Variants in NBEA observed in about 807,000 individuals in gnomAD.
NBEA encodes the protein neurobeachin.
NBEA carries 44 observed loss-of-function variants against 343.4 expected under a neutral mutation model. The observed-to-expected ratio is 0.13, with a 90% CI of 0.10 to 0.16. NBEA has a LOEUF of 0.16. Ranked by LOEUF, NBEA falls within the 10% of genes least tolerant of loss-of-function variation. The probability of loss-of-function intolerance (pLI) is 1.00; values close to 1 mark genes in which losing one functional copy is unlikely to be tolerated. For synonymous variants in NBEA, 1,175 were observed against 1,238.7 expected (o/e 0.95, Z 1.08); for missense variants, 2,555 against 3,631.3 (o/e 0.70, Z 7.62).
chr13:35,085,816 T>C (rs1406223049), intron 10 of NBEA, among the ~76,000 whole-genome samples: 5 of 152,238 alleles, frequency 3.3e-5, no homozygotes, highest in East Asian at 1.9e-4. Flanking sequence ...GATGACATGA[T>C]TGTATATCTA....
chr13:35,615,400 G>A (rs1349304192), intron 48 of NBEA, among the ~76,000 whole-genome samples: 1 of 152,006 alleles, frequency 6.6e-6, no homozygotes, highest in Non-Finnish European at 1.5e-5. Flanking sequence ...CTGGAGTGCA[G>A]TGGCACGATC....
intron 1 of NBEA, among the ~76,000 whole-genome samples, chr13:34,957,024 CACACACACACACATATATAT>C (rs2059517005): frequency 7.4e-6 from 1 of 134,858 alleles, no homozygotes; most frequent in Non-Finnish European, 1.6e-5. Context: ...TATATATATA[CACACACACACACATATATAT>C]ACACACACAC....
chr13:35,085,283 AAG>A, intron 10 of NBEA, among the ~76,000 whole-genome samples: 1 of 152,104 alleles, frequency 6.6e-6, no homozygotes, highest in Non-Finnish European at 1.5e-5. Flanking sequence ...ACAACCAAAA[AAG>A]AGAATTTTAG....
chr13:35,454,787 G>A (rs537540419), intron 40 of NBEA, among the ~76,000 whole-genome samples: 1 of 152,084 alleles, frequency 6.6e-6, no homozygotes, highest in Middle Eastern at 3.2e-3. Context: ...ATGAACCCGG[G>A]AGGCAGAGCT....
At chr13:35,534,875 C>T (rs967540529) in intron 41 of NBEA, among the ~76,000 whole-genome samples, 25 of 152,084 alleles carry the variant, frequency 1.6e-4, no homozygotes, top group African/African-American at 6.0e-4. Context: ...TGCCTAGGAT[C>T]AGAGAACTTG....
chr13:35,510,304 G>A (rs60768763), intron 41 of NBEA, among the ~76,000 whole-genome samples: 2 of 152,140 alleles, frequency 1.3e-5, no homozygotes, highest in Non-Finnish European at 2.9e-5. Context: ...GACACATGCA[G>A]CCTCATACAA....
intron 34 of NBEA, among the ~76,000 whole-genome samples, chr13:35,289,100 T>G (rs2152817064): frequency 6.6e-6 from 1 of 152,032 alleles, no homozygotes; most frequent in South Asian, 2.1e-4. Context: ...ATTTATCCAC[T>G]ACCTACAATA....
chr13:34,959,943 A>G (rs2059607860), intron 1 of NBEA, among the ~76,000 whole-genome samples: 1 of 152,174 alleles, frequency 6.6e-6, no homozygotes, highest in Non-Finnish European at 1.5e-5. Flanking sequence ...TTACTGGTTT[A>G]TGTATTTGCT....
At chr13:35,621,490 C>T (rs778642488) in intron 48 of NBEA, among the ~76,000 whole-genome samples, 3 of 152,150 alleles carry the variant, frequency 2.0e-5, no homozygotes, top group Non-Finnish European at 4.4e-5. Flanking sequence ...CTGTTTCCTT[C>T]GCACTTGTCA....
chr13:35,359,548 A>G (rs1208654757), intron 38 of NBEA, among the ~76,000 whole-genome samples: 2 of 152,076 alleles, frequency 1.3e-5, no homozygotes, highest in African/African-American at 2.4e-5. Flanking sequence ...TCTCTTTTAC[A>G]TCTATCTTTG....
chr13:35,349,119 A>G lies in NBEA; in HGVS notation c.5915A>G (p.His1972Arg). 6.3e-7 allele frequency: 1 copy of G among 1,575,884 alleles called. No individual in the cohort carries two copies. The highest frequency in any genetic ancestry group is 8.6e-7 in the Non-Finnish European group (1 of 1,157,872). Reference protein sequence around the residue: ...ELINEGRLLCHAMKDHIVRVA... With the variant: ...ELINEGRLLCRAMKDHIVRVA... ...ATTTTTCTTTTTAGATTACTGTGCC[A>G]TGCTATGAAGGACCATATAGTCCGT... Residue 1972 changes from histidine (H) to arginine (R), a missense_variant, in exon 37 of 59, where the codon CAT (histidine) becomes CGT (arginine). Physicochemically the swap from His to Arg is conservative, Grantham distance 29. This residue lies in a region of NBEA where 84 missense variants were observed against 196.4 expected (regional missense o/e 0.43). Transcript: ENST00000379939.
At chr13:35,394,687 A>G (rs1025292350) in intron 38 of NBEA, among the ~76,000 whole-genome samples, 2 of 152,140 alleles carry the variant, frequency 1.3e-5, no homozygotes, top group African/African-American at 2.4e-5. Context: ...GGACATTTCC[A>G]AAACTATGCT....
intron 1 of NBEA, among the ~76,000 whole-genome samples, chr13:34,987,258 G>T (rs1211676672): frequency 6.6e-6 from 1 of 150,846 alleles, no homozygotes; most frequent in East Asian, 1.9e-4. Flanking sequence ...CACTTATGAA[G>T]CCTAGTTTGG....
At chr13:35,214,288 TA>T (rs1362250379) in intron 33 of NBEA, among the ~76,000 whole-genome samples, 30 of 152,112 alleles carry the variant, frequency 2.0e-4, no homozygotes, top group African/African-American at 7.0e-4. Context: ...GGTTGGATAG[TA>T]AGTGTATGCT....
At position 35,550,926 on chromosome 13, in the gene NBEA, A is replaced by G; in HGVS notation, c.6704-4A>G. ...AAACTCTGTTTTTTTTCTTCTTACC[A>G]CAGCCTCAGTTATGTTTAATTTCCC... On this transcript the variant is annotated splice_polypyrimidine_tract_variant and splice_region_variant and intron_variant, in intron 42 of 58. Coordinates refer to ENST00000379939, the MANE Select transcript of NBEA (RefSeq NM_001385012.1). 1.9e-6 allele frequency: 3 copies of G among 1,580,472 alleles called. No individual in the cohort carries two copies. In the East Asian group the frequency reaches 6.7e-5, roughly 35 times the overall value.
At chr13:35,207,458 T>C (rs1239273331) in intron 31 of NBEA, among the ~76,000 whole-genome samples, 1 of 152,120 alleles carries the variant, frequency 6.6e-6, no homozygotes. Context: ...ATAAATTCTG[T>C]GATGGTTGAG....
intron 40 of NBEA, among the ~76,000 whole-genome samples, chr13:35,457,849 C>T (rs897333042): frequency 1.3e-5 from 2 of 151,198 alleles, no homozygotes; most frequent in African/African-American, 2.4e-5. Context: ...CCTCGTGATC[C>T]GCCCACCTTG....
At chr13:35,452,285 T>A (rs2046347003) in intron 40 of NBEA, 50 bp downstream of exon 40, 1 of 1,393,276 alleles carries the variant, frequency 7.2e-7, no homozygotes, top group African/African-American at 1.4e-5. Flanking sequence ...AACACAAAGC[T>A]ACTGAATTCA....
chr13:35,558,422 A>G (rs913688871), intron 44 of NBEA, among the ~76,000 whole-genome samples: 2 of 152,198 alleles, frequency 1.3e-5, no homozygotes, highest in African/African-American at 2.4e-5. Flanking sequence ...GAATTGAAAT[A>G]TGATTAAGAG....
Sources: gnomAD v4.1 joint callset for allele counts (sites outside exome capture counted in the v4.1 genomes callset) on GRCh38, gnomAD v4.1.1 for gene constraint, gnomAD v4.1.1 regional missense constraint, MANE v1.5 for transcripts, NCBI Gene and HGNC (gene_info 2026-07-23, HGNC 2026-07-21) for gene names.